Variants in CSMD1 observed in about 807,000 individuals in gnomAD.
CSMD1 encodes CUB and sushi domain-containing protein 1.
Under a neutral mutation model 417.5 loss-of-function variants are expected in CSMD1, and 213 were observed. That is an observed-to-expected ratio of 0.51 (90% CI 0.46 to 0.57). CSMD1 has a LOEUF of 0.57. Among genes scored for constraint, CSMD1 ranks in the 20% least tolerant of loss-of-function variants. CSMD1 has a pLI of 0.00. For synonymous variants in CSMD1, 2,862 were observed against 1,736.8 expected, an observed-to-expected ratio of 1.65 and a Z score of -16.11; for missense variants, 6,923 against 4,529.7, an observed-to-expected ratio of 1.53 and a Z score of -15.17.
At chr8:3,835,323 G>A (rs1802617780) in intron 5 of CSMD1, among the ~76,000 whole-genome samples, 1 of 152,080 alleles carries the variant, frequency 6.6e-6, no homozygotes, top group South Asian at 2.1e-4. Flanking sequence ...CATCCCAAAT[G>A]TCCAACAACG....
At chr8:4,749,451 G>T (rs1056894181) in intron 1 of CSMD1, among the ~76,000 whole-genome samples, 1 of 152,152 alleles carries the variant, frequency 6.6e-6, no homozygotes, top group Non-Finnish European at 1.5e-5. Context: ...ATGGAAATAA[G>T]GTTAAGACCC....
intron 1 of CSMD1, among the ~76,000 whole-genome samples, chr8:4,802,826 T>C (rs1434273113): frequency 6.6e-6 from 1 of 152,214 alleles, no homozygotes; most frequent in East Asian, 1.9e-4. Context: ...ACTCCAATAA[T>C]ACTTAGTTTT....
chr8:4,588,598 A>G (rs947665206), intron 2 of CSMD1, among the ~76,000 whole-genome samples: 1 of 151,782 alleles, frequency 6.6e-6, no homozygotes, highest in Non-Finnish European at 1.5e-5. Flanking sequence ...CATCCTGGTT[A>G]ACACGGTGAA....
intron 10 of CSMD1, among the ~76,000 whole-genome samples, chr8:3,549,044 G>C (rs1798798421): frequency 6.6e-6 from 1 of 152,150 alleles, no homozygotes; most frequent in African/African-American, 2.4e-5. Flanking sequence ...GCTCCTCGAA[G>C]CCATCCCTGA....
intron 20 of CSMD1, among the ~76,000 whole-genome samples, chr8:3,364,467 A>C (rs1174525680): frequency 6.6e-6 from 1 of 152,152 alleles, no homozygotes; most frequent in East Asian, 1.9e-4. Context: ...AGAGTATTTT[A>C]TTGTTGTTGG....
chr8:3,815,040 G>A (rs1393556288), intron 5 of CSMD1, among the ~76,000 whole-genome samples: 3 of 152,142 alleles, frequency 2.0e-5, no homozygotes, highest in East Asian at 1.9e-4. Context: ...GGTAGAAGAG[G>A]CACATGAAGA....
rs1038093772 is a variant in CSMD1 at position 4,140,814 on chromosome 8, G to C, written c.416-108715C>G. Among the ~76,000 whole-genome samples, 13 of 150,698 alleles carry C rather than the reference G, an allele frequency of 8.6e-5. 1 individual carries two copies. Among genetic ancestry groups the C allele is most frequent in the Non-Finnish European group, 1.3e-4 (9 of 68,000 alleles). On this transcript the variant is annotated intron_variant, in intron 3 of 69. Coordinates refer to ENST00000635120, the MANE Select transcript of CSMD1 (RefSeq NM_033225.6). Reference sequence around the variant, plus strand: ...TTTTGATTTTCTAAGCGTGTAAATGGGCTCAGCACCCTCACTCCAGGTTTC... The same window carrying C: ...TTTTGATTTTCTAAGCGTGTAAATGCGCTCAGCACCCTCACTCCAGGTTTC...
At chr8:3,996,910 C>A (rs150650769) in intron 5 of CSMD1, among the ~76,000 whole-genome samples, 2 of 152,288 alleles carry the variant, frequency 1.3e-5, no homozygotes, top group African/African-American at 4.8e-5. Context: ...CTCATATTTA[C>A]AATATGCTTC....
intron 3 of CSMD1, among the ~76,000 whole-genome samples, chr8:4,177,293 A>G (rs930403679): frequency 5.9e-5 from 9 of 152,130 alleles, no homozygotes; most frequent in Non-Finnish European, 1.0e-4. Flanking sequence ...AAACCGCTCA[A>G]CTACATGGAA....
chr8:3,849,656 G>T (rs972292686), intron 5 of CSMD1, among the ~76,000 whole-genome samples: 1 of 152,170 alleles, frequency 6.6e-6, no homozygotes, highest in African/African-American at 2.4e-5. Flanking sequence ...GAAGTCCCCA[G>T]GGAGGGGTCG....
At chr8:4,363,090 G>T (rs546758786) in intron 3 of CSMD1, among the ~76,000 whole-genome samples, 11 of 152,238 alleles carry the variant, frequency 7.2e-5, no homozygotes, top group African/African-American at 2.6e-4. Context: ...GGTCACAGTG[G>T]ATCATAATAT....
At chr8:3,793,267 C>T (rs1231671964) in intron 5 of CSMD1, among the ~76,000 whole-genome samples, 1 of 152,342 alleles carries the variant, frequency 6.6e-6, no homozygotes, top group Middle Eastern at 3.4e-3. Context: ...CAAGCGACTG[C>T]AGCAGTCTCT....
intron 3 of CSMD1, among the ~76,000 whole-genome samples, chr8:4,056,461 A>G (rs7836744): frequency 0.03 from 4,507 of 151,862 alleles, 225 homozygotes; most frequent in African/African-American, 0.1. Context: ...TGATATTAAA[A>G]TACACAAATA....
At chr8:3,736,436 G>A (rs1446530607) in intron 6 of CSMD1, among the ~76,000 whole-genome samples, 1 of 152,056 alleles carries the variant, frequency 6.6e-6, no homozygotes, top group African/African-American at 2.4e-5. Context: ...GTAGCAATGT[G>A]GTCTCACTAC....
At chr8:3,600,983 G>A (rs536116023) in intron 8 of CSMD1, among the ~76,000 whole-genome samples, 3 of 152,306 alleles carry the variant, frequency 2.0e-5, no homozygotes, top group East Asian at 1.9e-4. Context: ...ACTATTCCAA[G>A]GGGGTCTCTG....
At chr8:4,273,002 C>T (rs1490972200) in intron 3 of CSMD1, among the ~76,000 whole-genome samples, 16 of 152,062 alleles carry the variant, frequency 1.1e-4, no homozygotes, top group South Asian at 2.1e-4. Context: ...ACAGCTATTG[C>T]GTCATGTACC....
chr8:3,556,392 A>AATAT (rs367650533), intron 10 of CSMD1, among the ~76,000 whole-genome samples: 1,476 of 120,430 alleles, frequency 0.012, 68 homozygotes, highest in African/African-American at 0.033. Context: ...TATAATAATT[A>AATAT]ATATATATAT....
intron 3 of CSMD1, among the ~76,000 whole-genome samples, chr8:4,086,231 T>A (rs1336219070): frequency 6.6e-6 from 1 of 152,158 alleles, no homozygotes; most frequent in Non-Finnish European, 1.5e-5. Flanking sequence ...TTCTGGTACA[T>A]CTTCATGAAC....
At chr8:3,374,085 TG>T (rs1193896402) in intron 18 of CSMD1, among the ~76,000 whole-genome samples, 3 of 152,056 alleles carry the variant, frequency 2.0e-5, no homozygotes, top group Admixed American at 2.0e-4. Context: ...CCTCAATAGC[TG>T]GGATTACACA....
Sources: gnomAD v4.1 joint callset for allele counts (sites outside exome capture counted in the v4.1 genomes callset) on GRCh38, gnomAD v4.1.1 for gene constraint, MANE v1.5 for transcripts, NCBI Gene and HGNC (gene_info 2026-07-23, HGNC 2026-07-21) for gene names.